The following TPO variants were observed in gnomAD, a reference collection of about 807,000 sequenced individuals.
TPO encodes thyroid peroxidase, also known as thyroid microsomal antigen.
In TPO, 78 loss-of-function variants were observed where a neutral mutation model predicts 96.9. That is an observed-to-expected ratio of 0.81 (90% CI 0.67 to 0.97). TPO has a LOEUF of 0.97. Among genes scored for constraint, TPO ranks in the 50% least tolerant of loss-of-function variants. The pLI, the probability that TPO is intolerant of heterozygous loss-of-function variation, is 0.00. For missense variants in TPO, 1,252 were observed against 1,274.8 expected (o/e 0.98, Z 0.27); for synonymous variants, 547 against 538.0 (o/e 1.02, Z -0.23).
At chr2:1,514,906 T>C (rs1674525085) in intron 14 of TPO, among the ~76,000 whole-genome samples, 1 of 152,104 alleles carries the variant, frequency 6.6e-6, no homozygotes, top group African/African-American at 2.4e-5. Flanking sequence ...CGTTTGCTGG[T>C]GTGAGGTGGG....
At chr2:1,498,163 C>T (rs991882075) in intron 13 of TPO, among the ~76,000 whole-genome samples, 5 of 152,112 alleles carry the variant, frequency 3.3e-5, no homozygotes, top group African/African-American at 1.2e-4. Context: ...TTTGAAAGTC[C>T]AAAATGTTTC....
In TPO at chr2:1,522,084, G is replaced by A. The variant is rs148623519; in HGVS notation, c.2618+5102G>A. 1.3e-3 allele frequency among the ~76,000 whole-genome samples: 192 copies of A among 151,216 alleles called. 2 individuals carry two copies. Among genetic ancestry groups the A allele is most frequent in the African/African-American group, 4.6e-3 (190 of 41,120 alleles). ...GACCCCAGGCTGTCTACTCCACACC[G>A]GCCCTGCCACCGTGCCCTGGCAGTC... On this transcript the variant is annotated intron_variant, in intron 15 of 16. Transcript: ENST00000329066.
chr2:1,438,404 C>T (rs1665803717), intron 5 of TPO, among the ~76,000 whole-genome samples: 1 of 152,202 alleles, frequency 6.6e-6, no homozygotes, highest in African/African-American at 2.4e-5. Flanking sequence ...GAAGCACTTT[C>T]ACCAGAGGGG....
rs780344898 is a variant in TPO, at chr2:1,542,747, C to G, written c.*273C>G. On this transcript the variant is annotated 3_prime_UTR_variant, in exon 17 of 17. Transcript: ENST00000329066. ...AGATTACACATCTTTATTTTGTGAA[C>G]CCTGGAAACACCACTCTTGCAATCC... The G allele has an allele frequency of 4.3e-6, 4 of 924,068 alleles. No individual in the cohort carries two copies. Among genetic ancestry groups the G allele is most frequent in the Non-Finnish European group, 6.3e-6 (4 of 631,214 alleles). The allele number at this position is 924,068 out of a possible 1,614,324, so 57.2% of individuals were successfully genotyped here. A position where few individuals can be genotyped will look rare whatever the true frequency, so the allele number is the denominator to read the frequency against.
chr2:1,461,506 C>T (rs12468041), intron 7 of TPO, among the ~76,000 whole-genome samples: 45,837 of 151,956 alleles, frequency 0.3, 7,411 homozygotes, highest in South Asian at 0.35. Context: ...ATTGGCCTTT[C>T]GTCCTAAGAA....
intron 13 of TPO, among the ~76,000 whole-genome samples, chr2:1,501,692 G>A (rs1286632490): frequency 1.3e-5 from 2 of 152,234 alleles, no homozygotes; most frequent in South Asian, 2.1e-4. Context: ...AGACACAGAC[G>A]GGACCCTGTG....
intron 14 of TPO, among the ~76,000 whole-genome samples, chr2:1,505,501 A>ACCCCAC: frequency 2.3e-5 from 1 of 42,754 alleles, no homozygotes; most frequent in South Asian, 1.1e-3. Context: ...TGTCAGGCAC[A>ACCCCAC]CCCCCACCAC....
At chr2:1,539,334 C>G in intron 15 of TPO, among the ~76,000 whole-genome samples, 1 of 152,314 alleles carries the variant, frequency 6.6e-6, no homozygotes, top group African/African-American at 2.4e-5. Context: ...TCCCACTTTA[C>G]GAATGAGAAA....
At chr2:1,473,485 G>A (rs11692536) in intron 7 of TPO, among the ~76,000 whole-genome samples, 17,559 of 152,050 alleles carry the variant, frequency 0.12, 1,202 homozygotes, top group East Asian at 0.28. Flanking sequence ...AGTCAATACC[G>A]CATCACCATT....
intron 5 of TPO, chr2:1,439,412 T>C (rs1665930443): frequency 6.6e-6 from 1 of 152,246 alleles, no homozygotes; most frequent in African/African-American, 2.4e-5. Flanking sequence ...ATCGGTCACT[T>C]GTTGTTATAA....
intron 15 of TPO, among the ~76,000 whole-genome samples, chr2:1,523,043 T>C (rs1291190098): frequency 3.5e-3 from 115 of 32,502 alleles, no homozygotes; most frequent in Middle Eastern, 0.025. Context: ...TCCCCAAATC[T>C]CCCCAACTGT....
At chr2:1,503,300 C>A (rs1212055200) in intron 13 of TPO, among the ~76,000 whole-genome samples, 1 of 152,218 alleles carries the variant, frequency 6.6e-6, no homozygotes, top group Non-Finnish European at 1.5e-5. Context: ...CTGACAGCAC[C>A]TGCTCCATTT....
In TPO at chr2:1,504,098, C is replaced by T. The variant is rs755354781; in HGVS notation, c.2518+19C>T. Reference sequence around the variant, plus strand: ...TGCGTAGGTGAGGCTGTTCCCCTCTCTCTCTGTCCGTCCATTTGCGAGTTT... The same window carrying T: ...TGCGTAGGTGAGGCTGTTCCCCTCTTTCTCTGTCCGTCCATTTGCGAGTTT... On this transcript the variant is annotated intron_variant, in intron 14 of 16. Transcript: ENST00000329066. 1.2e-6 allele frequency: 2 copies of T among 1,613,834 alleles called. No homozygotes were observed. Among genetic ancestry groups the T allele is most frequent in the South Asian group, 2.2e-5 (2 of 91,082 alleles).
At chr2:1,402,446 G>A (rs529707892) in intron 1 of TPO, among the ~76,000 whole-genome samples, 6 of 152,290 alleles carry the variant, frequency 3.9e-5, no homozygotes, top group South Asian at 4.1e-4. Flanking sequence ...GAGCCAACAC[G>A]GAGCCAAGGG....
intron 12 of TPO, 132 bp downstream of exon 12, chr2:1,496,329 A>T (rs1672334002): frequency 1.5e-6 from 1 of 659,732 alleles, no homozygotes; most frequent in Non-Finnish European, 2.4e-6. Flanking sequence ...TTACACCCTC[A>T]GGGCAGCTCC....
Position 1,402,154 on chromosome 2 carries a change from C to A in TPO, n.180+27752C>A, listed in dbSNP as rs577255341. On this transcript the variant is annotated intron_variant and non_coding_transcript_variant, in intron 1 of 5. Coordinates refer to the TPO transcript ENST00000497517. ...GTATGCAGCCAAGTGGGCCCCAAGCCTCTCCACCTAACCAATGCCTCAGAT... is the reference window on the plus strand; with the variant it reads ...GTATGCAGCCAAGTGGGCCCCAAGCATCTCCACCTAACCAATGCCTCAGAT... Among the ~76,000 whole-genome samples the A allele has an allele frequency of 7.2e-5, 11 of 152,358 alleles. No individual in the cohort carries two copies. The South Asian group carries it at 2.3e-3, about 32-fold the overall frequency.
chr2:1,442,249 T>C (rs1022849341), intron 5 of TPO, among the ~76,000 whole-genome samples: 4 of 152,112 alleles, frequency 2.6e-5, no homozygotes, highest in African/African-American at 9.7e-5. Context: ...ACTGAAGAAA[T>C]GAAGCCTCTC....
At position 1,484,822 on chromosome 2, in the gene TPO, C is replaced by G; in HGVS notation, c.1565C>G (p.Ala522Gly). The stretch of plus-strand genomic sequence containing the variant: ...CTGCCCGGGCTGTGGCTGCACCAGG[C>G]TTTCTTCAGCCCATGGACATTACTC... ...PDLPGLWLHQAFFSPWTLLRG... is the reference protein window; with the variant it reads ...PDLPGLWLHQGFFSPWTLLRG... The change falls in exon 9 of 17, where the codon GCT (alanine) becomes GGT (glycine). Residue 522 changes from alanine (A) to glycine (G), a missense_variant. By Grantham distance (60) the Ala-to-Gly change is moderately conservative. Coordinates refer to ENST00000329066, the MANE Select transcript of TPO (RefSeq NM_001206744.2). The G allele has an allele frequency of 6.2e-7, 1 of 1,614,036 alleles. No individual in the cohort carries two copies. The highest frequency in any genetic ancestry group is 8.5e-7 in the Non-Finnish European group (1 of 1,180,036).
chr2:1,411,399 C>T (rs1662333378), upstream of TPO, among the ~76,000 whole-genome samples: 1 of 152,128 alleles, frequency 6.6e-6, no homozygotes, highest in Non-Finnish European at 1.5e-5. Flanking sequence ...ACCCCCTCTT[C>T]CCAGGTCTCC....
Sources: allele counts gnomAD v4.1 joint callset (sites outside exome capture counted in the v4.1 genomes callset), GRCh38; gene constraint gnomAD v4.1.1; transcripts MANE v1.5; gene names NCBI Gene and HGNC (gene_info 2026-07-23, HGNC 2026-07-21).